TENM3: variants seen among roughly 807,000 people sequenced by gnomAD.
The protein encoded by TENM3 is teneurin-3.
In TENM3, 63 loss-of-function variants were observed where a neutral mutation model predicts 255.1. The ratio of observed to expected loss-of-function variants is 0.25; its 90% CI spans 0.20 to 0.30. TENM3 has a LOEUF of 0.30. Among genes scored for constraint, TENM3 ranks in the 10% least tolerant of loss-of-function variants. The pLI is 1.00. For synonymous variants in TENM3, 1,306 were observed against 1,322.3 expected (o/e 0.99, Z 0.27); for missense variants, 2,929 against 3,461.1 (o/e 0.85, Z 3.86).
At chr4:182,760,571 A>C (rs1040522664) in intron 22 of TENM3, among the ~76,000 whole-genome samples, 4 of 150,328 alleles carry the variant, frequency 2.7e-5, no homozygotes, top group African/African-American at 7.3e-5. Context: ...TGGGACTTTG[A>C]ATATTTGGAG....
the TENM3 span, among the ~76,000 whole-genome samples, chr4:181,511,430 G>C: frequency 1.3e-5 from 2 of 152,168 alleles, no homozygotes; most frequent in Admixed American, 6.5e-5. Flanking sequence ...AGGCCTGGAG[G>C]AGGAGGACAG....
intron 3 of TENM3, among the ~76,000 whole-genome samples, chr4:182,406,627 C>T (rs1033300739): frequency 3.3e-5 from 5 of 152,200 alleles, no homozygotes; most frequent in African/African-American, 1.2e-4. Flanking sequence ...CAGTGGATGT[C>T]TTTCTGTGGT....
At chr4:182,319,001 C>A (rs1327207127) in intron 1 of TENM3, among the ~76,000 whole-genome samples, 4 of 152,174 alleles carry the variant, frequency 2.6e-5, no homozygotes, top group Non-Finnish European at 5.9e-5. Flanking sequence ...CTCCTGGGCT[C>A]AAGCAGTCCT....
In TENM3 at chr4:182,754,447, G is replaced by T. The variant is rs1369287790; in HGVS notation, c.4080G>T (p.Leu1360=). The change falls in exon 22 of 28, where the codon CTG becomes CTT. Residue 1360 remains leucine, a synonymous_variant. Coordinates refer to ENST00000511685, the MANE Select transcript of TENM3 (RefSeq NM_001080477.4). The surrounding 1 kb of genome is among the most constrained non-coding windows in gnomAD (Gnocchi z 5.1). ...INPMDNSIYV[L]DNNVVLQITE... is the part of the protein sequence containing the mutation. ...CTATGGATAACTCCATTTATGTCCT[G>T]GATAATAATGTAGTTTTACAGATCA... 6.2e-7 allele frequency: 1 copy of T among 1,611,146 alleles called. No homozygotes were observed. The highest frequency in any genetic ancestry group is 8.5e-7 in the Non-Finnish European group (1 of 1,178,616).
At chr4:181,584,497 G>A in the TENM3 span, among the ~76,000 whole-genome samples, 1 of 152,118 alleles carries the variant, frequency 6.6e-6, no homozygotes, top group Non-Finnish European at 1.5e-5. Context: ...ATTTTCCTAA[G>A]TGTGTGGTTT....
the TENM3 span, among the ~76,000 whole-genome samples, chr4:182,087,586 G>C: frequency 6.6e-6 from 1 of 152,138 alleles, no homozygotes; most frequent in Non-Finnish European, 1.5e-5. Flanking sequence ...GGAAGTCTGA[G>C]AGGCAGTGAC....
At chr4:182,282,074 G>C (rs1241603263) in intron 1 of TENM3, among the ~76,000 whole-genome samples, 1 of 152,120 alleles carries the variant, frequency 6.6e-6, no homozygotes, top group Non-Finnish European at 1.5e-5. Flanking sequence ...TGGTAGTGTG[G>C]TAATTATTGT....
chr4:181,923,380 G>A, the TENM3 span, among the ~76,000 whole-genome samples: 1 of 152,098 alleles, frequency 6.6e-6, no homozygotes, highest in East Asian at 1.9e-4. Context: ...AAACTTTAGA[G>A]TTTGGACATC....
At chr4:182,083,889 G>A in the TENM3 span, among the ~76,000 whole-genome samples, 1 of 152,080 alleles carries the variant, frequency 6.6e-6, no homozygotes, top group Non-Finnish European at 1.5e-5. Flanking sequence ...GAGATCTGTA[G>A]GAAATCCAGA....
chr4:181,606,372 G>A, the TENM3 span, among the ~76,000 whole-genome samples: 11,701 of 152,114 alleles, frequency 0.077, 562 homozygotes, highest in South Asian at 0.17. Flanking sequence ...TGTTCCTTCC[G>A]TTTTTCAGCT....
At chr4:182,515,855 A>G (rs541519149) in intron 3 of TENM3, among the ~76,000 whole-genome samples, 2 of 152,370 alleles carry the variant, frequency 1.3e-5, no homozygotes, top group African/African-American at 2.4e-5. Context: ...AGAATCTGCT[A>G]CATAAACTTT....
chr4:181,941,877 A>G, the TENM3 span, among the ~76,000 whole-genome samples: 1 of 152,204 alleles, frequency 6.6e-6, no homozygotes, highest in Non-Finnish European at 1.5e-5. Flanking sequence ...TGTCCATATC[A>G]TAAGTAAATA....
At chr4:181,558,437 T>C in the TENM3 span, among the ~76,000 whole-genome samples, 1 of 152,220 alleles carries the variant, frequency 6.6e-6, no homozygotes, top group African/African-American at 2.4e-5. Context: ...AATACAAATG[T>C]GGATCGTGAC....
At chr4:181,767,067 AAGGG>A in the TENM3 span, among the ~76,000 whole-genome samples, 1 of 131,632 alleles carries the variant, frequency 7.6e-6, no homozygotes, top group Non-Finnish European at 1.6e-5. Flanking sequence ...TCTGGCTAAC[AAGGG>A]GAAATCCCGT....
At chr4:182,715,785 A>G (rs1451829609) in intron 13 of TENM3, among the ~76,000 whole-genome samples, 1 of 152,120 alleles carries the variant, frequency 6.6e-6, no homozygotes, top group Admixed American at 6.5e-5. Context: ...ACACACATAC[A>G]AGCAAGCCTG....
the TENM3 span, among the ~76,000 whole-genome samples, chr4:182,135,619 T>C: frequency 3.3e-5 from 5 of 152,228 alleles, no homozygotes; most frequent in Non-Finnish European, 5.9e-5. Flanking sequence ...CCATTTCAAA[T>C]GGGTGTAACG....
the TENM3 span, among the ~76,000 whole-genome samples, chr4:182,003,765 T>G: frequency 5.3e-5 from 8 of 152,292 alleles, no homozygotes; most frequent in African/African-American, 1.9e-4. Context: ...CAGCCTACAC[T>G]CTTTTCTTGC....
At position 182,751,950 on chromosome 4, in the gene TENM3, A is replaced by G; in HGVS notation, c.3780A>G (p.Thr1260=). 1 of 1,613,882 alleles carries G rather than the reference A, an allele frequency of 6.2e-7. No individual in the cohort carries two copies. The highest frequency in any genetic ancestry group is 8.5e-7 in the Non-Finnish European group (1 of 1,179,882). ...AAAATGCAGAAGTCGTCGCAGGGACAGGGGAGCAATGCCTTCCGTTTGACG... is the reference window on the plus strand; with the variant it reads ...AAAATGCAGAAGTCGTCGCAGGGACGGGGGAGCAATGCCTTCCGTTTGACG... ...LTKNAEVVAG[T]GEQCLPFDEA... is the part of the protein sequence containing the mutation. Residue 1260 remains threonine (T), a synonymous_variant, in exon 20 of 28, where the codon ACA becomes ACG. Coordinates refer to ENST00000511685, the MANE Select transcript of TENM3 (RefSeq NM_001080477.4).
chr4:181,688,982 A>G, the TENM3 span, among the ~76,000 whole-genome samples: 1 of 152,160 alleles, frequency 6.6e-6, no homozygotes. Context: ...TCTCTCCCCC[A>G]TTCACTTTGC....
Sources: gnomAD v4.1 joint callset for allele counts (sites outside exome capture counted in the v4.1 genomes callset) on GRCh38, gnomAD v4.1.1 for gene constraint, Gnocchi (gnomAD v3.1) non-coding constraint, MANE v1.5 for transcripts, NCBI Gene and HGNC (gene_info 2026-07-23, HGNC 2026-07-21) for gene names.